QKI: variants seen among roughly 807,000 people sequenced by gnomAD.
QKI encodes QKI, KH domain containing RNA binding.
Under a neutral mutation model 39.0 loss-of-function variants are expected in QKI, and 10 were observed. The observed-to-expected ratio is 0.26, with a 90% CI of 0.16 to 0.43. The LOEUF is 0.43. Among genes scored for constraint, QKI ranks in the 20% least tolerant of loss-of-function variants. The pLI, the probability that QKI is intolerant of heterozygous loss-of-function variation, is 1.00. For missense variants in QKI, 218 were observed against 428.0 expected, an observed-to-expected ratio of 0.51 and a Z score of 4.33; for synonymous variants, 204 against 155.4, an observed-to-expected ratio of 1.31 and a Z score of -2.33.
At chr6:163,459,256 C>T (rs1791166900) in intron 2 of QKI, among the ~76,000 whole-genome samples, 1 of 152,244 alleles carries the variant, frequency 6.6e-6, no homozygotes, top group African/African-American at 2.4e-5. Context: ...GGCGTCTGCT[C>T]TTGTTGCTTT....
chr6:163,567,474 G>A (rs1256982449), intron 7 of QKI: 1 of 984,424 alleles, frequency 1.0e-6, no homozygotes, highest in African/African-American at 1.8e-5. Context: ...TTATCTGAAG[G>A]TAAACTGTCT....
At chr6:163,483,349 T>C (rs1315462316) in intron 3 of QKI, among the ~76,000 whole-genome samples, 1 of 152,156 alleles carries the variant, frequency 6.6e-6, no homozygotes. Flanking sequence ...TGACGATTGC[T>C]TAAAATAAGA....
chr6:163,554,899 T>C (rs555257322), intron 4 of QKI, among the ~76,000 whole-genome samples: 1 of 152,324 alleles, frequency 6.6e-6, no homozygotes, highest in South Asian at 2.1e-4. Flanking sequence ...ATCCACAAAA[T>C]AGCACAGTGA....
At chr6:163,455,578 TTCTC>T (rs972636066) in intron 2 of QKI, among the ~76,000 whole-genome samples, 157 bp downstream of exon 2, 2 of 152,198 alleles carry the variant, frequency 1.3e-5, no homozygotes, top group Non-Finnish European at 2.9e-5. Flanking sequence ...TTTAAAAAAT[TTCTC>T]TCTAAATATG....
rs2757578 is a variant in QKI, at chr6:163,415,344, C to T, written c.142+9C>T. ...GCGGCTGCTGGACGAAGGTGAGCGT[C>T]TCCAGGGCCCCGGCCCCGGCCCGAC... is the stretch of plus-strand genomic sequence containing the variant. On this transcript the variant is annotated intron_variant, in intron 1 of 7. Transcript: ENST00000361752. 485,000 of 1,570,844 alleles carry T rather than the reference C, an allele frequency of 0.31. 79,176 individuals carry two copies. The highest frequency in any genetic ancestry group is 0.38 in the Middle Eastern group (2,188 of 5,796).
intron 4 of QKI, among the ~76,000 whole-genome samples, chr6:163,544,657 T>C (rs534655050): frequency 2.6e-4 from 40 of 152,136 alleles, no homozygotes; most frequent in African/African-American, 9.1e-4. Context: ...GACTGTAAAA[T>C]ACTTTTAACA....
intron 6 of QKI, chr6:163,566,271 C>A: frequency 8.1e-7 from 1 of 1,231,318 alleles, no homozygotes; most frequent in Non-Finnish European, 1.0e-6. Flanking sequence ...AGTTTAAAAC[C>A]ACAATCTGTA....
intron 3 of QKI, among the ~76,000 whole-genome samples, chr6:163,495,437 T>C (rs1778347314): frequency 6.6e-6 from 1 of 152,112 alleles, no homozygotes; most frequent in Non-Finnish European, 1.5e-5. Flanking sequence ...ATAAAATAAT[T>C]ATTACCGTTT....
chr6:163,427,099 T>G (rs534477304), intron 1 of QKI, among the ~76,000 whole-genome samples: 69 of 152,276 alleles, frequency 4.5e-4, no homozygotes, highest in African/African-American at 1.6e-3. Context: ...TACTTGAATT[T>G]AGGTGTTAAA....
chr6:163,542,444 C>T (rs1363744790), intron 4 of QKI, among the ~76,000 whole-genome samples: 2 of 151,890 alleles, frequency 1.3e-5, no homozygotes, highest in Non-Finnish European at 2.9e-5. Context: ...GATGAGGGAT[C>T]CTGTATCTTG....
intron 1 of QKI, among the ~76,000 whole-genome samples, chr6:163,440,583 C>G (rs1789692226): frequency 6.6e-6 from 1 of 152,100 alleles, no homozygotes; most frequent in South Asian, 2.1e-4. Context: ...GCATAACTTC[C>G]TTAGTTTAAG....
At chr6:163,516,884 TATC>T (rs1461283657) in intron 3 of QKI, among the ~76,000 whole-genome samples, 1 of 152,190 alleles carries the variant, frequency 6.6e-6, no homozygotes, top group Admixed American at 6.5e-5. Flanking sequence ...TTGAAACACA[TATC>T]ATAATGTTAG....
chr6:163,518,311 A>C (rs1412961978), intron 3 of QKI, among the ~76,000 whole-genome samples: 2 of 152,180 alleles, frequency 1.3e-5, no homozygotes, highest in Non-Finnish European at 2.9e-5. Context: ...AAGTGTTTGA[A>C]TATCCAGTCA....
intron 2 of QKI, chr6:163,457,286 A>G (rs967391752): frequency 4.4e-6 from 2 of 455,522 alleles, no homozygotes; most frequent in African/African-American, 2.0e-5. Context: ...GTATTTATGC[A>G]TTCTTTAAAA....
intron 1 of QKI, among the ~76,000 whole-genome samples, chr6:163,436,861 G>C (rs1441913772): frequency 1.3e-5 from 2 of 149,854 alleles, no homozygotes; most frequent in African/African-American, 2.5e-5. Context: ...GCAAGAACCA[G>C]TAAATTGTAT....
At chr6:163,439,340 G>GTTTT (rs573449244) in intron 1 of QKI, among the ~76,000 whole-genome samples, 1 of 107,712 alleles carries the variant, frequency 9.3e-6, no homozygotes, top group African/African-American at 3.5e-5. Context: ...GTTTTTTTTT[G>GTTTT]TTTTTTTTTT....
chr6:163,482,386 CCAAA>C (rs1220489304), intron 3 of QKI, among the ~76,000 whole-genome samples: 5 of 152,104 alleles, frequency 3.3e-5, no homozygotes, highest in Non-Finnish European at 5.9e-5. Context: ...TCCCCACAAA[CCAAA>C]CAAATCTCCA....
chr6:163,524,546 G>A lies in QKI; in HGVS notation c.403-10436G>A, dbSNP rs149336786. ...TGCAGTGGCGTGATCTTGGCTCACC[G>A]CAACCTCCACCTCCGAGGTTCAAGC... On this transcript the variant is annotated intron_variant, in intron 3 of 7. Coordinates refer to ENST00000361752, the MANE Select transcript of QKI (RefSeq NM_006775.3). Among the ~76,000 whole-genome samples, 555 of 152,022 alleles carry A rather than the reference G, an allele frequency of 3.7e-3. 3 individuals carry two copies. Among genetic ancestry groups the A allele is most frequent in the African/African-American group, 0.012 (513 of 41,444 alleles).
rs1171386908 is a variant in QKI, at chr6:163,517,396, T to G, written c.403-17586T>G. On this transcript the variant is annotated intron_variant, in intron 3 of 7. Coordinates refer to ENST00000361752, the MANE Select transcript of QKI (RefSeq NM_006775.3). ...CTGCAGAATTTCTCACAGCAGTATC[T>G]AGAGTGGTTTTTTGTTTTTTGTTTT... 3.3e-5 allele frequency among the ~76,000 whole-genome samples: 5 copies of G among 152,252 alleles called. No individual in the cohort carries two copies. The East Asian group carries it at 5.8e-4, about 18-fold the overall frequency.
Sources: allele counts gnomAD v4.1 joint callset (sites outside exome capture counted in the v4.1 genomes callset), GRCh38; gene constraint gnomAD v4.1.1; transcripts MANE v1.5; gene names NCBI Gene and HGNC (gene_info 2026-07-23, HGNC 2026-07-21).